Variants in FAM169A observed in about 807,000 individuals in gnomAD.
The protein encoded by FAM169A is soluble lamin-associated protein of 75 kDa.
In FAM169A, 24 loss-of-function variants were observed where a neutral mutation model predicts 75.7. That is an observed-to-expected ratio of 0.32 (90% CI 0.23 to 0.45). FAM169A has a LOEUF of 0.45. Among genes scored for constraint, FAM169A ranks in the 20% least tolerant of loss-of-function variants. FAM169A has a pLI of 1.00. For missense variants in FAM169A, 673 were observed against 784.0 expected (o/e 0.86, Z 1.69); for synonymous variants, 271 against 271.0 (o/e 1.00, Z 0.00).
In FAM169A at chr5:74,779,082, T is replaced by C. The variant is rs1745275669; in HGVS notation, c.*2378A>G. The C allele has an allele frequency of 6.6e-6, 1 of 152,140 alleles. No homozygotes were observed. Among genetic ancestry groups the C allele is most frequent in the South Asian group, 2.1e-4 (1 of 4,830 alleles). The allele number at this position is 152,140 out of a possible 1,614,324, so 9.4% of individuals were successfully genotyped here. ...AACAATTTCTGTCAGAGAGAATCTG[T>C]AACAGAAGTGTTCTTGTGTGCTGAA... On this transcript the variant is annotated 3_prime_UTR_variant, in exon 13 of 13. Coordinates refer to ENST00000687041, the MANE Select transcript of FAM169A (RefSeq NM_001376049.1).
intron 1 of FAM169A, among the ~76,000 whole-genome samples, chr5:74,857,559 G>T (rs1749776125): frequency 9.4e-6 from 1 of 106,780 alleles, no homozygotes. Context: ...GACAGAGCCA[G>T]ACCTTGCCGC....
chr5:74,836,942 T>C (rs994668895), intron 4 of FAM169A, among the ~76,000 whole-genome samples: 5 of 109,442 alleles, frequency 4.6e-5, no homozygotes, highest in African/African-American at 2.5e-4. Flanking sequence ...TAAGCCTGTG[T>C]CAAAAAAAAA....
At chr5:74,859,377 C>T (rs1378288922) in intron 1 of FAM169A, among the ~76,000 whole-genome samples, 2 of 146,768 alleles carry the variant, frequency 1.4e-5, no homozygotes, top group Non-Finnish European at 3.0e-5. Flanking sequence ...GCAACCTCCA[C>T]CTCCTGGATT....
chr5:74,818,995 G>C (rs545726606), intron 5 of FAM169A, among the ~76,000 whole-genome samples: 1 of 152,090 alleles, frequency 6.6e-6, no homozygotes, highest in East Asian at 1.9e-4. Flanking sequence ...CAAGGTGGGC[G>C]GATCACCTGT....
intron 3 of FAM169A, 26 bp from the exon 4 acceptor site, chr5:74,839,076 C>T: frequency 6.5e-7 from 1 of 1,543,898 alleles, no homozygotes. Context: ...TAATCATTAA[C>T]ACTTGAGTTT....
At chr5:74,791,219 C>T (rs1192411397) in intron 11 of FAM169A, among the ~76,000 whole-genome samples, 9 of 152,140 alleles carry the variant, frequency 5.9e-5, no homozygotes, top group Non-Finnish European at 1.0e-4. Flanking sequence ...AGCAGGGCTG[C>T]GGCAAAGGTC....
At chr5:74,827,748 C>T (rs1202313314) in intron 5 of FAM169A, among the ~76,000 whole-genome samples, 1 of 151,580 alleles carries the variant, frequency 6.6e-6, no homozygotes, top group Admixed American at 6.6e-5. Flanking sequence ...CTGCAACCTC[C>T]ACCTCCCGGG....
chr5:74,840,559 T>A (rs1580150979), intron 2 of FAM169A, among the ~76,000 whole-genome samples: 1 of 148,466 alleles, frequency 6.7e-6, no homozygotes, highest in South Asian at 2.1e-4. Context: ...CCGGGCACAG[T>A]GGCTCACACC....
chr5:74,801,829 A>G (rs1746595725), intron 8 of FAM169A, among the ~76,000 whole-genome samples, 200 bp from the exon 9 acceptor site: 1 of 152,228 alleles, frequency 6.6e-6, no homozygotes, highest in African/African-American at 2.4e-5. Context: ...GTCATCTAAT[A>G]TGTCATAGTG....
At chr5:74,815,485 T>C (rs949490056) in intron 5 of FAM169A, among the ~76,000 whole-genome samples, 1 of 152,140 alleles carries the variant, frequency 6.6e-6, no homozygotes, top group African/African-American at 2.4e-5. Context: ...ACCCAGCCAA[T>C]ATACTTAGAT....
intron 11 of FAM169A, among the ~76,000 whole-genome samples, chr5:74,793,996 C>T (rs1289127422): frequency 4.4e-5 from 6 of 137,246 alleles, no homozygotes; most frequent in African/African-American, 1.7e-4. Context: ...GAGCGAGACT[C>T]CATCTCAAAA....
intron 11 of FAM169A, among the ~76,000 whole-genome samples, chr5:74,790,712 C>T (rs1580079133): frequency 1.3e-5 from 2 of 152,182 alleles, no homozygotes; most frequent in Non-Finnish European, 2.9e-5. Flanking sequence ...ATGGTGGTTA[C>T]GCATGGGCTC....
intron 5 of FAM169A, among the ~76,000 whole-genome samples, chr5:74,829,246 G>C (rs746563706): frequency 1.3e-5 from 2 of 152,058 alleles, no homozygotes; most frequent in Non-Finnish European, 2.9e-5. Flanking sequence ...CAAACGGAAC[G>C]ACTATAAAAT....
rs1336691832 is a variant in FAM169A, at chr5:74,864,373, G to C, written c.-4+1792C>G. Among the ~76,000 whole-genome samples the C allele has an allele frequency of 2.0e-5, 3 of 152,168 alleles. 1 individual carries two copies. Among genetic ancestry groups the C allele is most frequent in the East Asian group, 3.9e-4 (2 of 5,190 alleles). On this transcript the variant is annotated intron_variant, in intron 1 of 12. Coordinates refer to ENST00000687041, the MANE Select transcript of FAM169A (RefSeq NM_001376049.1). The stretch of plus-strand genomic sequence containing the variant: ...AGCCTCCCGAGTAGCTGGGATTACA[G>C]GCATGTGCCACCACACCCGGCTAAT...
chr5:74,801,780 T>C (rs1007554990), intron 8 of FAM169A, 151 bp from the exon 9 acceptor site: 3 of 644,726 alleles, frequency 4.7e-6, no homozygotes, highest in African/African-American at 1.8e-5. Context: ...AAAAAGGTTA[T>C]AGTTCAGCTT....
At chr5:74,842,281 C>T (rs1247938826) in intron 1 of FAM169A, among the ~76,000 whole-genome samples, 2 of 151,470 alleles carry the variant, frequency 1.3e-5, no homozygotes, top group Non-Finnish European at 2.9e-5. Flanking sequence ...ATTAGCCAGG[C>T]ATGGTGGCAG....
chr5:74,842,238 TG>T (rs1748909256), intron 1 of FAM169A, among the ~76,000 whole-genome samples: 1 of 151,502 alleles, frequency 6.6e-6, no homozygotes. Context: ...CTGGCCAAGA[TG>T]GTGAAACCCC....
intron 5 of FAM169A, among the ~76,000 whole-genome samples, chr5:74,830,399 A>G (rs1033945527): frequency 3.3e-5 from 5 of 152,302 alleles, no homozygotes; most frequent in Middle Eastern, 3.4e-3. Flanking sequence ...ACCAAACTTG[A>G]TAAGTAGAGG....
intron 5 of FAM169A, among the ~76,000 whole-genome samples, chr5:74,819,229 A>C (rs1052270866): frequency 5.7e-4 from 87 of 152,262 alleles, no homozygotes; most frequent in Non-Finnish European, 9.3e-4. Context: ...AAGAAAAAAA[A>C]AAAAAAGGCA....
Sources: gnomAD v4.1 joint callset for allele counts (sites outside exome capture counted in the v4.1 genomes callset) on GRCh38, gnomAD v4.1.1 for gene constraint, MANE v1.5 for transcripts, NCBI Gene and HGNC (gene_info 2026-07-23, HGNC 2026-07-21) for gene names.